Variants in TASP1 observed in about 807,000 individuals in gnomAD.
The protein encoded by TASP1 is taspase 1.
Under a neutral mutation model 56.6 loss-of-function variants are expected in TASP1, and 16 were observed. The ratio of observed to expected loss-of-function variants is 0.28; its 90% CI spans 0.19 to 0.43. The LOEUF (loss-of-function observed/expected upper bound fraction) is 0.43, where lower values mean the gene tolerates loss of function less well. TASP1 is among the 20% of genes least tolerant of loss of function. The pLI is 1.00. For synonymous variants in TASP1, 179 were observed against 184.2 expected, an observed-to-expected ratio of 0.97 and a Z score of 0.23; for missense variants, 393 against 511.6, an observed-to-expected ratio of 0.77 and a Z score of 2.24.
intron 4 of TASP1, among the ~76,000 whole-genome samples, chr20:13,603,326 C>G (rs1001309414): frequency 6.6e-6 from 1 of 151,988 alleles, no homozygotes. Flanking sequence ...CAGCTTGAAT[C>G]CGGCAGTTCA....
At chr20:13,473,477 A>T (rs1204981226) in intron 11 of TASP1, among the ~76,000 whole-genome samples, 2 of 152,152 alleles carry the variant, frequency 1.3e-5, no homozygotes, top group Non-Finnish European at 2.9e-5. Flanking sequence ...CCTAGAACTT[A>T]AAGTATAATA....
intron 11 of TASP1, among the ~76,000 whole-genome samples, chr20:13,446,600 C>A (rs2043420709): frequency 1.3e-5 from 2 of 152,056 alleles, no homozygotes; most frequent in South Asian, 4.1e-4. Flanking sequence ...TAGGCAAAAG[C>A]CACACCAAGG....
At chr20:13,519,253 T>C (rs1317507348) in intron 10 of TASP1, among the ~76,000 whole-genome samples, 2 of 152,012 alleles carry the variant, frequency 1.3e-5, no homozygotes, top group Non-Finnish European at 2.9e-5. Flanking sequence ...GGTGATAGGA[T>C]CAATCGTACC....
chr20:13,567,270 G>C (rs2046564028), intron 7 of TASP1, among the ~76,000 whole-genome samples: 3 of 151,948 alleles, frequency 2.0e-5, no homozygotes, highest in African/African-American at 7.2e-5. Flanking sequence ...GCCTAACTGA[G>C]GGTGAAGGGT....
chr20:13,292,066 C>G, the TASP1 span, among the ~76,000 whole-genome samples: 2 of 152,196 alleles, frequency 1.3e-5, no homozygotes, highest in African/African-American at 4.8e-5. Flanking sequence ...GTTTGTCACC[C>G]TGACACCATC....
intron 12 of TASP1, among the ~76,000 whole-genome samples, chr20:13,431,741 T>A (rs543841486): frequency 6.6e-6 from 1 of 152,172 alleles, no homozygotes; most frequent in Non-Finnish European, 1.5e-5. Context: ...GAAGAGGTGA[T>A]TAGGTCTTAA....
chr20:13,565,332 C>T (rs1201905396), intron 7 of TASP1, among the ~76,000 whole-genome samples: 1 of 151,870 alleles, frequency 6.6e-6, no homozygotes, highest in African/African-American at 2.4e-5. Context: ...AACACCAAAA[C>T]ACAGACAATA....
chr20:13,190,011 G>C, the TASP1 span, among the ~76,000 whole-genome samples: 1 of 152,202 alleles, frequency 6.6e-6, no homozygotes, highest in Non-Finnish European at 1.5e-5. Context: ...CAACATGGAT[G>C]CAGCTGGAGG....
chr20:13,181,879 T>C, the TASP1 span, among the ~76,000 whole-genome samples: 3 of 152,200 alleles, frequency 2.0e-5, no homozygotes, highest in African/African-American at 7.2e-5. Flanking sequence ...CCAGGCATAG[T>C]GTATGTGCTC....
chr20:13,267,351 G>T, the TASP1 span, among the ~76,000 whole-genome samples: 3 of 152,202 alleles, frequency 2.0e-5, no homozygotes, highest in African/African-American at 4.8e-5. Flanking sequence ...CCACAGTTGT[G>T]TGCATAACTG....
chr20:13,287,960 T>G, the TASP1 span, among the ~76,000 whole-genome samples: 1 of 152,206 alleles, frequency 6.6e-6, no homozygotes, highest in Non-Finnish European at 1.5e-5. Context: ...CCACTGGGAA[T>G]GGCTAGAAGG....
chr20:13,186,803 A>G, the TASP1 span, among the ~76,000 whole-genome samples: 1 of 152,212 alleles, frequency 6.6e-6, no homozygotes, highest in South Asian at 2.1e-4. Context: ...CTAAAGACCT[A>G]TTTTCAGCCA....
At chr20:13,455,983 CAA>C (rs1296512063) in intron 11 of TASP1, among the ~76,000 whole-genome samples, 1 of 152,130 alleles carries the variant, frequency 6.6e-6, no homozygotes, top group South Asian at 2.1e-4. Context: ...CAGCTGCAGA[CAA>C]GAGCAGAGCT....
At chr20:13,320,405 G>A in the TASP1 span, among the ~76,000 whole-genome samples, 1 of 152,276 alleles carries the variant, frequency 6.6e-6, no homozygotes, top group East Asian at 1.9e-4. Flanking sequence ...AGAACTTAGA[G>A]ACAAATGGTA....
At chr20:13,280,286 G>A in the TASP1 span, among the ~76,000 whole-genome samples, 3 of 151,360 alleles carry the variant, frequency 2.0e-5, no homozygotes, top group Admixed American at 6.6e-5. Flanking sequence ...AAAGAGATAC[G>A]TACGGCTGCT....
At chr20:13,368,945 G>T in the TASP1 span, among the ~76,000 whole-genome samples, 5 of 152,132 alleles carry the variant, frequency 3.3e-5, no homozygotes, top group Admixed American at 2.6e-4. Flanking sequence ...TGAATTCAAT[G>T]ACAATACTAC....
chr20:13,302,194 C>T, the TASP1 span, among the ~76,000 whole-genome samples: 1 of 152,126 alleles, frequency 6.6e-6, no homozygotes, highest in Non-Finnish European at 1.5e-5. Flanking sequence ...TAATGTGAGC[C>T]ATGCTGTCCA....
At chr20:13,184,801 G>A in the TASP1 span, among the ~76,000 whole-genome samples, 1 of 152,104 alleles carries the variant, frequency 6.6e-6, no homozygotes, top group Non-Finnish European at 1.5e-5. Context: ...GACATATGGG[G>A]TAAACAATCC....
the TASP1 span, among the ~76,000 whole-genome samples, chr20:13,105,364 T>A: frequency 0.75 from 114,480 of 152,122 alleles, 44,172 homozygotes; most frequent in African/African-American, 0.94. Context: ...CTCCCATGGC[T>A]ATCTCCATTC....
Sources: allele counts gnomAD v4.1 joint callset (sites outside exome capture counted in the v4.1 genomes callset), GRCh38; gene constraint gnomAD v4.1.1; transcripts MANE v1.5; gene names NCBI Gene and HGNC (gene_info 2026-07-23, HGNC 2026-07-21).